The following STK39 variants were observed in gnomAD, a reference collection of about 807,000 sequenced individuals.
STK39 encodes STE20/SPS1-related proline-alanine-rich protein kinase.
Under a neutral mutation model 77.8 loss-of-function variants are expected in STK39, and 20 were observed. That is an observed-to-expected ratio of 0.26 (90% CI 0.18 to 0.37). STK39 has a LOEUF of 0.37. STK39 is among the 10% of genes least tolerant of loss of function. The pLI, the probability that STK39 is intolerant of heterozygous loss-of-function variation, is 1.00. For missense variants in STK39, 479 were observed against 656.5 expected, an observed-to-expected ratio of 0.73 and a Z score of 2.95; for synonymous variants, 246 against 234.1, an observed-to-expected ratio of 1.05 and a Z score of -0.47.
At chr2:168,136,545 A>C (rs1687847403) in intron 8 of STK39, among the ~76,000 whole-genome samples, 1 of 152,200 alleles carries the variant, frequency 6.6e-6, no homozygotes, top group Non-Finnish European at 1.5e-5. Context: ...GAATTGTGTG[A>C]CATTACAAAT....
At chr2:168,060,777 C>T (rs1685644360) in intron 14 of STK39, among the ~76,000 whole-genome samples, 1 of 152,142 alleles carries the variant, frequency 6.6e-6, no homozygotes, top group Non-Finnish European at 1.5e-5. Context: ...GTTAGATGTA[C>T]ATTAAAAGGC....
At chr2:168,021,130 T>G (rs1684560071) in intron 14 of STK39, among the ~76,000 whole-genome samples, 1 of 152,202 alleles carries the variant, frequency 6.6e-6, no homozygotes, top group African/African-American at 2.4e-5. Context: ...TCTCTTCCTT[T>G]CCATCAGTCT....
intron 2 of STK39, among the ~76,000 whole-genome samples, chr2:168,179,597 AAATAAG>A (rs1451089746): frequency 1.3e-5 from 2 of 152,230 alleles, no homozygotes; most frequent in African/African-American, 4.8e-5. Flanking sequence ...TAAGGAAAGA[AAATAAG>A]AATGAGAAAA....
chr2:168,165,194 G>C (rs1316581380), intron 3 of STK39, among the ~76,000 whole-genome samples: 1 of 152,054 alleles, frequency 6.6e-6, no homozygotes, highest in Non-Finnish European at 1.5e-5. Flanking sequence ...TTTCTGTCCT[G>C]CTAAAAGAAA....
chr2:168,057,939 A>T (rs1016897982), intron 14 of STK39, among the ~76,000 whole-genome samples: 1 of 152,144 alleles, frequency 6.6e-6, no homozygotes, highest in Non-Finnish European at 1.5e-5. Context: ...TGAGAACATC[A>T]GTCTGGCACT....
intron 16 of STK39, among the ~76,000 whole-genome samples, chr2:168,007,742 A>T (rs1684167632): frequency 6.6e-6 from 1 of 152,092 alleles, no homozygotes; most frequent in Non-Finnish European, 1.5e-5. Flanking sequence ...GGGTGGGGTG[A>T]GCAAGGGGAA....
chr2:168,243,785 CCT>C (rs1395902956), intron 1 of STK39, among the ~76,000 whole-genome samples: 1 of 152,132 alleles, frequency 6.6e-6, no homozygotes, highest in Non-Finnish European at 1.5e-5. Context: ...ACTTTCATTC[CCT>C]GTTTAGCAAA....
chr2:168,244,562 ACTG>A (rs1294874882), intron 1 of STK39, among the ~76,000 whole-genome samples: 1 of 152,234 alleles, frequency 6.6e-6, no homozygotes, highest in Non-Finnish European at 1.5e-5. Context: ...CAGTGTTTGA[ACTG>A]CTAACTTCTG....
At chr2:168,124,761 A>G (rs1687496839) in intron 10 of STK39, among the ~76,000 whole-genome samples, 1 of 152,174 alleles carries the variant, frequency 6.6e-6, no homozygotes, top group Admixed American at 6.6e-5. Flanking sequence ...TGGTGCCTCA[A>G]GTATGTTATC....
At chr2:168,157,153 C>G (rs1159539668) in intron 5 of STK39, among the ~76,000 whole-genome samples, 1 of 152,044 alleles carries the variant, frequency 6.6e-6, no homozygotes, top group Non-Finnish European at 1.5e-5. Flanking sequence ...TTTCAGTGTT[C>G]AAGATGCAGA....
intron 1 of STK39, among the ~76,000 whole-genome samples, chr2:168,241,643 T>C (rs1690761515): frequency 6.6e-6 from 1 of 152,206 alleles, no homozygotes. Flanking sequence ...TCTTTCCCAC[T>C]TCCTCCCTGC....
intron 2 of STK39, among the ~76,000 whole-genome samples, chr2:168,172,926 G>A (rs1688864184): frequency 6.6e-6 from 1 of 152,076 alleles, no homozygotes. Flanking sequence ...AAATCACCTG[G>A]GGAGCTTTGA....
At chr2:168,019,997 G>A (rs528317118) in intron 14 of STK39, among the ~76,000 whole-genome samples, 2 of 152,192 alleles carry the variant, frequency 1.3e-5, no homozygotes, top group South Asian at 2.1e-4. Flanking sequence ...AAGCCACTGC[G>A]CCTGGCAAAG....
chr2:168,195,754 C>T (rs972432406), intron 1 of STK39, among the ~76,000 whole-genome samples: 5 of 152,212 alleles, frequency 3.3e-5, no homozygotes, highest in South Asian at 4.1e-4. Context: ...AGGTGGCTCA[C>T]GCCTGTAATC....
chr2:168,130,549 C>T (rs1687653198), intron 8 of STK39, among the ~76,000 whole-genome samples: 1 of 152,188 alleles, frequency 6.6e-6, no homozygotes, highest in Non-Finnish European at 1.5e-5. Flanking sequence ...AGTCCCCAGG[C>T]ACCAAATCTC....
chr2:168,136,380 AAAAG>A (rs1219666233), intron 8 of STK39, among the ~76,000 whole-genome samples: 4 of 96,102 alleles, frequency 4.2e-5, no homozygotes, highest in East Asian at 6.3e-4. Flanking sequence ...AAAAAAAAAA[AAAAG>A]AAAAGAAATA....
chr2:168,216,728 T>G (rs1690033881), intron 1 of STK39, among the ~76,000 whole-genome samples: 1 of 152,210 alleles, frequency 6.6e-6, no homozygotes, highest in African/African-American at 2.4e-5. Flanking sequence ...TGCTTTCAAC[T>G]TTCTAAAGCC....
intron 10 of STK39, among the ~76,000 whole-genome samples, chr2:168,101,903 A>G (rs1228132831): frequency 1.3e-5 from 2 of 152,138 alleles, no homozygotes; most frequent in African/African-American, 2.4e-5. Context: ...TGTCACCCCA[A>G]AAAGAAACTC....
chr2:167,999,863 G>A (rs1206885889), intron 16 of STK39, among the ~76,000 whole-genome samples: 2 of 152,194 alleles, frequency 1.3e-5, no homozygotes, highest in Admixed American at 1.3e-4. Flanking sequence ...ACTTCTGCAT[G>A]GAAGCAGGTA....
Sources: allele counts gnomAD v4.1 joint callset (sites outside exome capture counted in the v4.1 genomes callset), GRCh38; gene constraint gnomAD v4.1.1; transcripts MANE v1.5; gene names NCBI Gene and HGNC (gene_info 2026-07-23, HGNC 2026-07-21).